Variants in UBAP1L observed in about 807,000 individuals in gnomAD.
UBAP1L encodes ubiquitin-associated protein 1-like.
A neutral mutation model predicts 32.1 loss-of-function variants in UBAP1L; 32 were observed. That is an observed-to-expected ratio of 1.00 (90% confidence interval 0.75 to 1.34). UBAP1L has a LOEUF of 1.34. Ranked by LOEUF, UBAP1L falls within the 40% of genes most tolerant of loss-of-function variation. The pLI is 0.00. For missense variants in UBAP1L, 516 were observed against 540.5 expected (o/e 0.95, Z 0.45); for synonymous variants, 243 against 250.2 (o/e 0.97, Z 0.27).
rs1370937551 is a variant in UBAP1L at position 65,106,128 on chromosome 15, G to A, written c.88C>T (p.Pro30Ser). The A allele has an allele frequency of 1.3e-6, 2 of 1,550,930 alleles. No homozygotes were observed. Among genetic ancestry groups the A allele is most frequent in the Non-Finnish European group, 8.7e-7 (1 of 1,146,826 alleles). Reference protein sequence around the residue: ...EPLPGPELSVPACGEVLLGSM... With the variant: ...EPLPGPELSVSACGEVLLGSM... ...CCCAGCAGAACTTCCCCGCAGGCCGGGACGCTGAGTTCTGGCCCAGGGAGA... is the reference window on the plus strand; with the variant it reads ...CCCAGCAGAACTTCCCCGCAGGCCGAGACGCTGAGTTCTGGCCCAGGGAGA... Residue 30 changes from proline (P) to serine (S), a missense_variant, in exon 2 of 6, where the codon CCG (proline) becomes TCG (serine). By Grantham distance (74) the Pro-to-Ser change is moderately conservative (BLOSUM62 -1). Transcript: ENST00000559089.
chr15:65,099,287 C>G (rs1052453047), intron 4 of UBAP1L: 2 of 564,722 alleles, frequency 3.5e-6, no homozygotes, highest in African/African-American at 3.8e-5. Context: ...CTCAGGTCAC[C>G]CCCTTCCCAC....
rs955250032 is a variant in UBAP1L, at chr15:65,092,843, G to C, written c.*254C>G. ...GCACACAGTGTAAAGAGTCAAATCA[G>C]GTGGTTTCACAGGCATGCATGAAGA... On this transcript the variant is annotated 3_prime_UTR_variant, in exon 6 of 6. Coordinates refer to ENST00000559089, the MANE Select transcript of UBAP1L (RefSeq NM_001163692.2). The C allele has an allele frequency of 6.7e-5, 35 of 520,342 alleles. No homozygotes were observed. The highest frequency in any genetic ancestry group is 4.9e-4 in the Middle Eastern group (1 of 2,024). The allele number at this position is 520,342 out of a possible 1,614,324, so 32.2% of individuals were successfully genotyped here. A position where few individuals can be genotyped will look rare whatever the true frequency, so the allele number is the denominator to read the frequency against.
At chr15:65,107,178 GA>G (rs1231803509) in intron 1 of UBAP1L, among the ~76,000 whole-genome samples, 1 of 151,760 alleles carries the variant, frequency 6.6e-6, no homozygotes, top group Non-Finnish European at 1.5e-5. Flanking sequence ...CATAGATGCA[GA>G]AAAAAACATG....
intron 4 of UBAP1L, chr15:65,099,210 G>T (rs1287830102): frequency 2.7e-6 from 1 of 372,554 alleles, no homozygotes; most frequent in African/African-American, 2.0e-5. Flanking sequence ...GATGCTGGGA[G>T]AGCTGGGAGA....
rs2087260471 is a variant in UBAP1L, at chr15:65,102,792, G to C, written c.121-108C>G. ...TTCAGCCAGAGACTCTCTAAGCCTGGACAGCGTCAGATTCTGAGCCCCGGG... is the reference window on the plus strand; with the variant it reads ...TTCAGCCAGAGACTCTCTAAGCCTGCACAGCGTCAGATTCTGAGCCCCGGG... On this transcript the variant is annotated intron_variant, in intron 2 of 5. Coordinates refer to ENST00000559089, the MANE Select transcript of UBAP1L (RefSeq NM_001163692.2). This position sits in a 1 kb window ranked among gnomAD's most constrained non-coding sequence, Gnocchi z 5.0. The C allele has an allele frequency of 5.9e-6, 6 of 1,025,600 alleles. No individual in the cohort carries two copies. Among genetic ancestry groups the C allele is most frequent in the Non-Finnish European group, 8.2e-6 (6 of 731,678 alleles). The allele number at this position is 1,025,600 out of a possible 1,614,324, so 63.5% of individuals were successfully genotyped here.
At position 65,092,975 on chromosome 15, in the gene UBAP1L, T is replaced by C. The variant is rs947031920; in HGVS notation, c.*122A>G. 2.3e-5 allele frequency: 30 copies of C among 1,290,706 alleles called. No individual in the cohort carries two copies. In the African/African-American group the frequency reaches 4.5e-4, roughly 20 times the overall value. 80.0% of individuals were successfully genotyped at this position (1,290,706 alleles called of 1,614,324 possible). A position where few individuals can be genotyped will look rare whatever the true frequency, so the allele number is the denominator to read the frequency against. ...TAACTGTCACCCTTGGTATTATTTG[T>C]GTTTTTACAATAAGTATGCATCACT... On this transcript the variant is annotated 3_prime_UTR_variant, in exon 6 of 6. Coordinates refer to ENST00000559089, the MANE Select transcript of UBAP1L (RefSeq NM_001163692.2).
intron 4 of UBAP1L, chr15:65,095,624 G>A (rs997683234): frequency 6.6e-6 from 1 of 152,240 alleles, no homozygotes; most frequent in Non-Finnish European, 1.5e-5. Context: ...AATCAAAGCA[G>A]GATTTATGGG....
rs2087138882 is a variant in UBAP1L, at chr15:65,093,295, G to A, written c.1012-64C>T. 4.1e-6 allele frequency: 6 copies of A among 1,460,728 alleles called. No individual in the cohort carries two copies. The African/African-American group carries it at 8.6e-5, about 21-fold the overall frequency. 90.5% of individuals were successfully genotyped at this position (1,460,728 alleles called of 1,614,324 possible). A position where few individuals can be genotyped will look rare whatever the true frequency, so the allele number is the denominator to read the frequency against. On this transcript the variant is annotated intron_variant, in intron 5 of 5. Transcript: ENST00000559089. The stretch of plus-strand genomic sequence containing the variant: ...CTGGGCCTGGCCTCAGCCATGGGGA[G>A]CCCCAGCTCCAGTGCCTACTGCACC...
At position 65,104,838 on chromosome 15, in the gene UBAP1L, T is replaced by C. The variant is rs764487221; in HGVS notation, c.120+1258A>G. ...CTGGCCAACATAGTGAAACCCCATC[T>C]CTACTAAAAATACAAAAAATTAGCT... On this transcript the variant is annotated intron_variant, in intron 2 of 5. Coordinates refer to ENST00000559089, the MANE Select transcript of UBAP1L (RefSeq NM_001163692.2). 2.0e-4 allele frequency: 64 copies of C among 313,030 alleles called. 1 individual carries two copies. Among genetic ancestry groups the C allele is most frequent in the South Asian group, 1.5e-3 (63 of 42,080 alleles). The allele number at this position is 313,030 out of a possible 1,614,324, so 19.4% of individuals were successfully genotyped here.
chr15:65,110,947 T>C (rs1349532383), intron 1 of UBAP1L, among the ~76,000 whole-genome samples: 1 of 152,126 alleles, frequency 6.6e-6, no homozygotes, highest in East Asian at 1.9e-4. Flanking sequence ...GAGAGCATCA[T>C]GTGGAGAGGT....
Position 65,094,143 on chromosome 15 carries a change from A to G in UBAP1L, c.1011+332T>C, listed in dbSNP as rs1456130414. On this transcript the variant is annotated intron_variant, in intron 5 of 5. Transcript: ENST00000559089. This position sits in a 1 kb window ranked among gnomAD's most constrained non-coding sequence, Gnocchi z 4.2. ...AAGGTCATGCATCTTTGTGCTGCCC[A>G]TGGCTCCTATCTGAGTGTCCGACAA... is the stretch of plus-strand genomic sequence containing the variant. Among the ~76,000 whole-genome samples the G allele has an allele frequency of 4.6e-5, 7 of 152,192 alleles. No individual in the cohort carries two copies.
intron 1 of UBAP1L, among the ~76,000 whole-genome samples, chr15:65,111,693 C>T (rs1182780290): frequency 2.6e-5 from 4 of 151,210 alleles, no homozygotes; most frequent in Non-Finnish European, 5.9e-5. Flanking sequence ...CCATACTGGT[C>T]AGGCTGGTCT....
intron 5 of UBAP1L, among the ~76,000 whole-genome samples, chr15:65,093,630 C>T (rs1373998698): frequency 6.6e-6 from 1 of 152,240 alleles, no homozygotes; most frequent in Non-Finnish European, 1.5e-5. Flanking sequence ...TTTCCTTCCC[C>T]TCCGACCCCA....
At chr15:65,109,692 T>C (rs1205510009) in intron 1 of UBAP1L, among the ~76,000 whole-genome samples, 7 of 152,076 alleles carry the variant, frequency 4.6e-5, no homozygotes, top group African/African-American at 1.7e-4. Flanking sequence ...AAAGAGGATA[T>C]CCAAATAGCC....
At chr15:65,093,624 C>G (rs1291968224) in intron 5 of UBAP1L, among the ~76,000 whole-genome samples, 1 of 152,212 alleles carries the variant, frequency 6.6e-6, no homozygotes, top group Admixed American at 6.5e-5. Flanking sequence ...CTGCACTTTC[C>G]TTCCCCTCCG....
chr15:65,109,414 C>T (rs910926310), intron 1 of UBAP1L, among the ~76,000 whole-genome samples: 2 of 126,380 alleles, frequency 1.6e-5, no homozygotes, highest in East Asian at 2.8e-4. Flanking sequence ...ACCCAGGAGG[C>T]GGAGCTTGCA....
Position 65,102,750 on chromosome 15 carries a change from T to TG in UBAP1L, c.121-67dup. 1 of 1,414,868 alleles carries TG rather than the reference T, an allele frequency of 7.1e-7. No homozygotes were observed. Among genetic ancestry groups the TG allele is most frequent in the South Asian group, 1.3e-5 (1 of 77,952 alleles). The allele number at this position is 1,414,868 out of a possible 1,614,324, so 87.6% of individuals were successfully genotyped here. Reference sequence around the variant, plus strand: ...ACCCCGGGGGCACAACACTAACCCCTGGCCTGGGGGACCCTGTTCAGCCAG... The same window carrying TG: ...ACCCCGGGGGCACAACACTAACCCCTGGGCCTGGGGGACCCTGTTCAGCCAG... On this transcript the variant is annotated intron_variant, in intron 2 of 5. Coordinates refer to ENST00000559089, the MANE Select transcript of UBAP1L (RefSeq NM_001163692.2). This position sits in a 1 kb window ranked among gnomAD's most constrained non-coding sequence, Gnocchi z 5.0.
At position 65,102,785 on chromosome 15, in the gene UBAP1L, A is replaced by C; in HGVS notation, c.121-101T>G. 1.8e-6 allele frequency: 2 copies of C among 1,088,714 alleles called. No individual in the cohort carries two copies. The highest frequency in any genetic ancestry group is 2.9e-5 in the East Asian group (1 of 34,292). The allele number at this position is 1,088,714 out of a possible 1,614,324, so 67.4% of individuals were successfully genotyped here. ...GACCCTGTTCAGCCAGAGACTCTCT[A>C]AGCCTGGACAGCGTCAGATTCTGAG... On this transcript the variant is annotated intron_variant, in intron 2 of 5. Coordinates refer to ENST00000559089, the MANE Select transcript of UBAP1L (RefSeq NM_001163692.2). The surrounding 1 kb of genome is among the most constrained non-coding windows in gnomAD (Gnocchi z 5.0).
intron 3 of UBAP1L, chr15:65,100,832 T>A (rs1182457738): frequency 6.6e-6 from 1 of 152,294 alleles, no homozygotes. Context: ...GAGCTGAGTC[T>A]ACTCTTGTGT....
Sources: allele counts gnomAD v4.1 joint callset (sites outside exome capture counted in the v4.1 genomes callset), GRCh38; gene constraint gnomAD v4.1.1; non-coding constraint Gnocchi (gnomAD v3.1); transcripts MANE v1.5; gene names NCBI Gene and HGNC (gene_info 2026-07-23, HGNC 2026-07-21).